Variants in KCTD15 observed in about 807,000 individuals in gnomAD.
KCTD15 encodes the protein BTB/POZ domain-containing protein KCTD15.
In KCTD15, 11 loss-of-function variants were observed where a neutral mutation model predicts 27.2. That is an observed-to-expected ratio of 0.41 (90% confidence interval 0.25 to 0.67). KCTD15 has a LOEUF of 0.67. Ranked by LOEUF, KCTD15 falls within the 30% of genes least tolerant of loss-of-function variation. KCTD15 has a pLI of 0.35. For missense variants in KCTD15, 350 were observed against 409.3 expected (o/e 0.86, Z 1.25); for synonymous variants, 163 against 176.0 (o/e 0.93, Z 0.58).
In KCTD15 at chr19:33,797,247, GGTGTGTGTGTGTGTGTGT is replaced by G. The variant is rs751185346; in HGVS notation, c.-127+280_-127+297del. ...GCGGTCTCGGAGCTTCCTGCCGCGC[GGTGTGTGTGTGTGTGTGT>G]GTGTGTGTGTGTGTGTGTGCGCGCG... On this transcript the variant is annotated intron_variant, in intron 1 of 6. Coordinates refer to ENST00000683859, the MANE Select transcript of KCTD15 (RefSeq NM_001129994.2). Among the ~76,000 whole-genome samples the G allele has an allele frequency of 5.8e-5, 7 of 120,790 alleles. No individual in the cohort carries two copies. The East Asian group carries it at 7.2e-4, about 12-fold the overall frequency. 79.2% of individuals were successfully genotyped at this position (120,790 alleles called of 152,430 possible).
intron 2 of KCTD15, 90 bp downstream of exon 2, chr19:33,798,856 T>C (rs536946742): frequency 6.6e-6 from 1 of 152,498 alleles, no homozygotes; most frequent in South Asian, 2.1e-4. Context: ...TGATGGAGGC[T>C]TGGTGTTCAC....
rs1190490668 is a variant in KCTD15 at position 33,813,940 on chromosome 19, C to T, written c.*992C>T. ...CCCAGACACAGGCAGACCTGGCGCT[C>T]TTGACCCCTGATTCCAGTGAGGACT... On this transcript the variant is annotated 3_prime_UTR_variant, in exon 7 of 7. Coordinates refer to ENST00000683859, the MANE Select transcript of KCTD15 (RefSeq NM_001129994.2). 6.5e-6 allele frequency: 1 copy of T among 153,424 alleles called. No homozygotes were observed. Among genetic ancestry groups the T allele is most frequent in the Non-Finnish European group, 1.5e-5 (1 of 68,664 alleles). 9.5% of individuals were successfully genotyped at this position (153,424 alleles called of 1,614,324 possible).
chr19:33,797,324 TG>T, intron 1 of KCTD15: 1 of 420,000 alleles, frequency 2.4e-6, no homozygotes, highest in Non-Finnish European at 4.8e-6. Context: ...CCCCGCACTC[TG>T]GCCCCTGTTC....
chr19:33,801,655 A>C (rs1975552940), intron 4 of KCTD15: 1 of 265,710 alleles, frequency 3.8e-6, no homozygotes, highest in Non-Finnish European at 7.0e-6. Flanking sequence ...CGGGCAGGGG[A>C]GTCTCACGTA....
At position 33,812,026 on chromosome 19, in the gene KCTD15, C is replaced by T. The variant is rs554236632; in HGVS notation, c.693+474C>T. On this transcript the variant is annotated intron_variant, in intron 6 of 6. Transcript: ENST00000683859. ...TTCCTGGATGGGTCCAAGAATTGGA[C>T]AGCTCAGATGGAGTGAGGGCCTATT... 104 of 1,441,110 alleles carry T rather than the reference C, an allele frequency of 7.2e-5. 1 individual carries two copies. In the East Asian group the frequency reaches 2.6e-3, roughly 36 times the overall value. The allele number at this position is 1,441,110 out of a possible 1,614,324, so 89.3% of individuals were successfully genotyped here.
intron 4 of KCTD15, among the ~76,000 whole-genome samples, chr19:33,804,981 T>A (rs1975668658): frequency 6.6e-6 from 1 of 152,162 alleles, no homozygotes; most frequent in South Asian, 2.1e-4. Context: ...CAGGCTGGAG[T>A]ACGTGGTGTG....
At chr19:33,803,561 G>T (rs558118932) in intron 4 of KCTD15, among the ~76,000 whole-genome samples, 1 of 152,148 alleles carries the variant, frequency 6.6e-6, no homozygotes, top group Non-Finnish European at 1.5e-5. Context: ...GGTTGGGGTG[G>T]CCTGGGTGCT....
In KCTD15 at chr19:33,796,946, T is replaced by TG. The variant is rs1342453478; in HGVS notation, c.-164dup. 5.3e-5 allele frequency: 8 copies of TG among 149,830 alleles called. No homozygotes were observed. The highest frequency in any genetic ancestry group is 4.0e-4 in the Admixed American group (6 of 15,078). The allele number at this position is 149,830 out of a possible 1,614,324, so 9.3% of individuals were successfully genotyped here. ...CCGGCGCCCGAGACCGGCAGCTGCG[T>TG]GGGGCGGGGGCTGCGCCCGAGCCCG... is the stretch of plus-strand genomic sequence containing the variant. On this transcript the variant is annotated 5_prime_UTR_variant, in exon 1 of 7. Transcript: ENST00000683859.
chr19:33,811,329 A>G lies in KCTD15; in HGVS notation c.470A>G (p.Gln157Arg). 2.6e-6 allele frequency: 4 copies of G among 1,554,868 alleles called. No individual in the cohort carries two copies. Among genetic ancestry groups the G allele is most frequent in the South Asian group, 1.2e-5 (1 of 84,714 alleles). Reference sequence around the variant, plus strand: ...GAGCTGGAGCGCTGGCAGCAGGAGCAGGAGCAGCGGCGCCGCAGCCGGGCC... The same window carrying G: ...GAGCTGGAGCGCTGGCAGCAGGAGCGGGAGCAGCGGCGCCGCAGCCGGGCC... Reference protein sequence around the residue: ...VRELERWQQEQEQRRRSRACD... With the variant: ...VRELERWQQEREQRRRSRACD... Residue 157 changes from glutamine (Q) to arginine (R), a missense_variant, in exon 6 of 7, where the codon CAG becomes CGG. Gln to Arg is a conservative substitution (Grantham distance 43). Transcript: ENST00000683859.
chr19:33,800,307 C>T, intron 2 of KCTD15, 121 bp from the exon 3 acceptor site: 1 of 758,410 alleles, frequency 1.3e-6, no homozygotes. Flanking sequence ...TCAGGGAGGG[C>T]TGCATGGACC....
At position 33,815,090 on chromosome 19, in the gene KCTD15, G is replaced by A. The variant is rs965483780; in HGVS notation, c.*2142G>A. 1 of 152,158 alleles carries A rather than the reference G, an allele frequency of 6.6e-6. No homozygotes were observed. Among genetic ancestry groups the A allele is most frequent in the African/African-American group, 2.4e-5 (1 of 41,438 alleles). The allele number at this position is 152,158 out of a possible 1,614,324, so 9.4% of individuals were successfully genotyped here. A position where few individuals can be genotyped will look rare whatever the true frequency, so the allele number is the denominator to read the frequency against. On this transcript the variant is annotated 3_prime_UTR_variant, in exon 7 of 7. Transcript: ENST00000683859. ...ACAGCTCGCTGCTGTGTATGTTTAT[G>A]GATTTTTCTGATATAACAGCCAGCA...
intron 4 of KCTD15, among the ~76,000 whole-genome samples, chr19:33,805,114 G>A (rs2145461221): frequency 6.6e-6 from 1 of 152,192 alleles, no homozygotes; most frequent in Non-Finnish European, 1.5e-5. Flanking sequence ...GTAGAGATGG[G>A]GTCTTGCTGC....
upstream of KCTD15, chr19:33,796,705 G>A (rs1975326240): frequency 6.8e-6 from 1 of 148,090 alleles, no homozygotes; most frequent in African/African-American, 2.5e-5. Flanking sequence ...GCGCGAGGAG[G>A]AGGCGGCGGC....
At chr19:33,812,598 C>T (rs1975960726) in intron 6 of KCTD15, 192 bp from the exon 7 acceptor site, 4 of 1,290,048 alleles carry the variant, frequency 3.1e-6, no homozygotes, top group South Asian at 5.6e-5. Flanking sequence ...CTGGGCCTGG[C>T]CACTTCTGTC....
Position 33,813,501 on chromosome 19 carries a change from C to A in KCTD15, c.*553C>A. 1 of 427,480 alleles carries A rather than the reference C, an allele frequency of 2.3e-6. No homozygotes were observed. Among genetic ancestry groups the A allele is most frequent in the African/African-American group, 2.0e-5 (1 of 49,268 alleles). 26.5% of individuals were successfully genotyped at this position (427,480 alleles called of 1,614,324 possible). A position where few individuals can be genotyped will look rare whatever the true frequency, so the allele number is the denominator to read the frequency against. On this transcript the variant is annotated 3_prime_UTR_variant, in exon 7 of 7. Coordinates refer to ENST00000683859, the MANE Select transcript of KCTD15 (RefSeq NM_001129994.2). ...TGGACCAGCTGCCTGGCATTCAGGC[C>A]CAGATGCCTGCAGGGCTGGGGCTCT... is the stretch of plus-strand genomic sequence containing the variant.
At chr19:33,795,743 G>A (rs978213389), upstream of KCTD15, among the ~76,000 whole-genome samples, 1 of 152,078 alleles carries the variant, frequency 6.6e-6, no homozygotes, top group African/African-American at 2.4e-5. Context: ...CGGCCGAAGC[G>A]GAGACTGGGG....
intron 4 of KCTD15, among the ~76,000 whole-genome samples, chr19:33,806,433 G>A (rs1484172725): frequency 6.6e-6 from 1 of 152,218 alleles, no homozygotes; most frequent in Non-Finnish European, 1.5e-5. Flanking sequence ...TTTACTGGGT[G>A]TGTGGCTGTT....
Position 33,813,457 on chromosome 19 carries a change from G to A in KCTD15, c.*509G>A, listed in dbSNP as rs957106083. The A allele has an allele frequency of 1.3e-4, 59 of 452,992 alleles. No individual in the cohort carries two copies. The highest frequency in any genetic ancestry group is 6.0e-4 in the African/African-American group (30 of 50,036). The allele number at this position is 452,992 out of a possible 1,614,324, so 28.1% of individuals were successfully genotyped here. A position where few individuals can be genotyped will look rare whatever the true frequency, so the allele number is the denominator to read the frequency against. On this transcript the variant is annotated 3_prime_UTR_variant, in exon 7 of 7. Transcript: ENST00000683859. Reference sequence around the variant, plus strand: ...TCTGGTGCTCAGTTCTCAGTCAGACGTGCAGCATGGCTGCAGGGTGGACCA... The same window carrying A: ...TCTGGTGCTCAGTTCTCAGTCAGACATGCAGCATGGCTGCAGGGTGGACCA...
Position 33,812,899 on chromosome 19 carries a change from C to A in KCTD15, c.803C>A (p.Pro268Gln), listed in dbSNP as rs560449340. 4 of 1,550,008 alleles carry A rather than the reference C, an allele frequency of 2.6e-6. No individual in the cohort carries two copies. The highest frequency in any genetic ancestry group is 3.5e-6 in the Non-Finnish European group (4 of 1,146,612). The change falls in exon 7 of 7, where the codon CCG becomes CAG. Residue 268 changes from proline to glutamine, a missense_variant. Physicochemically the swap from Pro to Gln is moderately conservative, Grantham distance 76 (BLOSUM62 -1). Coordinates refer to ENST00000683859, the MANE Select transcript of KCTD15 (RefSeq NM_001129994.2). ...GTGCTTTGCCGGGAGGAGCGGCGGC[C>A]GCAGCCCACCCCCACTGCTGTTCGA... ...EYVLCREERRPQPTPTAVRIK... is the reference protein window; with the variant it reads ...EYVLCREERRQQPTPTAVRIK...
Sources: gnomAD v4.1 joint callset for allele counts (sites outside exome capture counted in the v4.1 genomes callset) on GRCh38, gnomAD v4.1.1 for gene constraint, MANE v1.5 for transcripts, NCBI Gene and HGNC (gene_info 2026-07-23, HGNC 2026-07-21) for gene names.